The following SLC2A14 variants were observed in gnomAD, a reference collection of about 807,000 sequenced individuals.
SLC2A14 encodes the protein solute carrier family 2 member 14.
In SLC2A14, 13 loss-of-function variants were observed where a neutral mutation model predicts 43.0. The ratio of observed to expected loss-of-function variants is 0.30; its 90% CI spans 0.20 to 0.48. The LOEUF is 0.48. SLC2A14 is among the 20% of genes least tolerant of loss of function. The pLI, the probability that SLC2A14 is intolerant of heterozygous loss-of-function variation, is 0.99. For missense variants in SLC2A14, 428 were observed against 620.4 expected (o/e 0.69, Z 3.29); for synonymous variants, 190 against 233.8 (o/e 0.81, Z 1.71).
intron 2 of SLC2A14, among the ~76,000 whole-genome samples, chr12:7,847,734 G>C (rs182796800): frequency 4.5e-4 from 69 of 152,158 alleles, no homozygotes; most frequent in Non-Finnish European, 7.8e-4. Context: ...GGTTGCTATG[G>C]GGATGTCATC....
intron 2 of SLC2A14, among the ~76,000 whole-genome samples, chr12:7,855,796 C>T (rs1341599948): frequency 1.3e-5 from 2 of 151,982 alleles, no homozygotes; most frequent in South Asian, 2.1e-4. Context: ...CTCCACCAGC[C>T]CGGCTAATTT....
intron 5 of SLC2A14, among the ~76,000 whole-genome samples, chr12:7,829,160 C>T (rs901096327): frequency 4.0e-5 from 6 of 151,606 alleles, no homozygotes; most frequent in East Asian, 3.9e-4. Context: ...TGCAGTGAGC[C>T]GAGATCGCGC....
At chr12:7,847,075 A>G (rs1866532867) in intron 2 of SLC2A14, among the ~76,000 whole-genome samples, 1 of 151,626 alleles carries the variant, frequency 6.6e-6, no homozygotes, top group South Asian at 2.1e-4. Flanking sequence ...CAACATAGAG[A>G]AACCCTGTCT....
At chr12:7,872,756 A>C in intron 1 of SLC2A14, 51 bp downstream of exon 1, 1 of 984,646 alleles carries the variant, frequency 1.0e-6, no homozygotes, top group Non-Finnish European at 1.2e-6. Context: ...ACCCCAGCTC[A>C]GGTCCTCATT....
At chr12:7,863,211 C>T (rs557310585) in intron 2 of SLC2A14, among the ~76,000 whole-genome samples, 7 of 152,192 alleles carry the variant, frequency 4.6e-5, no homozygotes, top group Non-Finnish European at 7.4e-5. Flanking sequence ...ACTCCTGACG[C>T]GCTGCCTTAA....
In SLC2A14 at chr12:7,880,952, C is replaced by A. The variant is rs540334524; in HGVS notation, c.132+10044G>T. Among the ~76,000 whole-genome samples the A allele has an allele frequency of 4.5e-4, 68 of 152,192 alleles. 1 individual carries two copies. The South Asian group carries it at 0.012, about 26-fold the overall frequency. ...GTCAAGAGTTCGAGACCAGCCTGAC[C>A]AACAAGGTGAAACTCGTCTCTACTA... On this transcript the variant is annotated intron_variant, in intron 1 of 9. Coordinates refer to the SLC2A14 transcript ENST00000539924.
In SLC2A14 at chr12:7,831,603, C is replaced by T. The variant is rs1198557668; in HGVS notation, c.272+1G>A. 7 of 1,613,924 alleles carry T rather than the reference C, an allele frequency of 4.3e-6. No individual in the cohort carries two copies. The highest frequency in any genetic ancestry group is 5.9e-6 in the Non-Finnish European group (7 of 1,180,006). On this transcript the variant is annotated splice_donor_variant, in intron 4 of 10. Coordinates refer to ENST00000431042, the MANE Select transcript of SLC2A14 (RefSeq NM_001286234.2). LOFTEE classifies it high-confidence loss of function. ...TTCCTTGCCCAGTTTCTAGTCAATA[C>T]CTGCCAAAGCGGTTAACAAAGAGTC...
At chr12:7,857,970 C>T (rs1405136711) in intron 2 of SLC2A14, among the ~76,000 whole-genome samples, 1 of 151,864 alleles carries the variant, frequency 6.6e-6, no homozygotes, top group Admixed American at 6.6e-5. Context: ...CTAAAAACAA[C>T]AAAAAAATTA....
rs184731905 is a variant in SLC2A14 at position 7,866,239 on chromosome 12, A to G, written c.18+3624T>C. 3.3e-3 allele frequency among the ~76,000 whole-genome samples: 503 copies of G among 151,522 alleles called. 18 individuals carry two copies. In the South Asian group the frequency reaches 0.062, roughly 19 times the overall value. ...GACTCTGTCTCAAAAAAAAAAAAAA[A>G]AAAGAAAAGAAAGTGAAACAGATGT... is the stretch of plus-strand genomic sequence containing the variant. On this transcript the variant is annotated intron_variant, in intron 2 of 10. Transcript: ENST00000431042.
chr12:7,840,348 C>T (rs1169835783), intron 2 of SLC2A14, among the ~76,000 whole-genome samples: 1 of 151,844 alleles, frequency 6.6e-6, no homozygotes, highest in East Asian at 1.9e-4. Context: ...TACATTTCTA[C>T]TGTTTATAGA....
chr12:7,868,755 C>T (rs1323624458), intron 2 of SLC2A14, among the ~76,000 whole-genome samples: 2 of 152,266 alleles, frequency 1.3e-5, no homozygotes, highest in East Asian at 3.9e-4. Flanking sequence ...TGGCTGTAAT[C>T]CCAGCATTTT....
chr12:7,886,224 C>G (rs1258643763), intron 1 of SLC2A14, among the ~76,000 whole-genome samples: 2 of 135,236 alleles, frequency 1.5e-5, no homozygotes, highest in Admixed American at 8.6e-5. Context: ...TGCAGTGATG[C>G]AATCATGGCT....
rs1401332353 is a variant in SLC2A14, at chr12:7,819,602, A to G, written c.970-19T>C. 5.7e-6 allele frequency: 9 copies of G among 1,588,046 alleles called. No individual in the cohort carries two copies. Among genetic ancestry groups the G allele is most frequent in the Non-Finnish European group, 5.1e-6 (6 of 1,168,326 alleles). ...GAAATAGCTGGAAGAAGAATATGACATGAAACTTCAGTTTTCCTTTCCATG... is the reference window on the plus strand; with the variant it reads ...GAAATAGCTGGAAGAAGAATATGACGTGAAACTTCAGTTTTCCTTTCCATG... On this transcript the variant is annotated intron_variant, in intron 8 of 10. Transcript: ENST00000431042.
intron 2 of SLC2A14, among the ~76,000 whole-genome samples, chr12:7,844,060 T>C (rs1866243735): frequency 6.6e-6 from 1 of 152,160 alleles, no homozygotes; most frequent in South Asian, 2.1e-4. Flanking sequence ...AATATTTATA[T>C]CTGTATTCAC....
chr12:7,875,449 A>C (rs1275921316), upstream of SLC2A14, among the ~76,000 whole-genome samples: 1 of 151,108 alleles, frequency 6.6e-6, no homozygotes, highest in Non-Finnish European at 1.5e-5. Flanking sequence ...CAGAGGTTGC[A>C]GTCAGCCAAG....
intron 2 of SLC2A14, among the ~76,000 whole-genome samples, chr12:7,863,052 G>C (rs1397479473): frequency 6.6e-6 from 1 of 152,154 alleles, no homozygotes; most frequent in Non-Finnish European, 1.5e-5. Flanking sequence ...AACTGTTGAA[G>C]CTTTGTTGTT....
At chr12:7,823,289 A>C (rs1864079733) in intron 7 of SLC2A14, among the ~76,000 whole-genome samples, 1 of 151,834 alleles carries the variant, frequency 6.6e-6, no homozygotes, top group Non-Finnish European at 1.5e-5. Context: ...AGGCTGAGGC[A>C]GGAGAATCGC....
At chr12:7,838,698 T>A (rs912943068) in intron 2 of SLC2A14, among the ~76,000 whole-genome samples, 1 of 152,188 alleles carries the variant, frequency 6.6e-6, no homozygotes, top group African/African-American at 2.4e-5. Context: ...CCTACAGGGA[T>A]AGAGATAAAT....
chr12:7,818,787 G>GTTAA (rs1470074369), intron 9 of SLC2A14, among the ~76,000 whole-genome samples: 1 of 151,820 alleles, frequency 6.6e-6, no homozygotes, highest in African/African-American at 2.4e-5. Flanking sequence ...CTCCCAAAGT[G>GTTAA]TTAAGATGAC....
Sources: gnomAD v4.1 joint callset for allele counts (sites outside exome capture counted in the v4.1 genomes callset) on GRCh38, gnomAD v4.1.1 for gene constraint, MANE v1.5 for transcripts, NCBI Gene and HGNC (gene_info 2026-07-23, HGNC 2026-07-21) for gene names.